Variants in FREM3 observed in about 807,000 individuals in gnomAD.
FREM3 encodes the protein FRAS1 related extracellular matrix 3.
A neutral mutation model predicts 129.1 loss-of-function variants in FREM3; 105 were observed. The observed-to-expected ratio is 0.81, with a 90% CI of 0.69 to 0.96. FREM3 has a LOEUF of 0.96. Ranked by LOEUF, FREM3 falls within the 40% of genes least tolerant of loss-of-function variation. FREM3 has a pLI of 0.00. For missense variants in FREM3, 2,593 were observed against 2,666.3 expected, an observed-to-expected ratio of 0.97 and a Z score of 0.61; for synonymous variants, 1,014 against 1,044.9, an observed-to-expected ratio of 0.97 and a Z score of 0.57.
Position 143,698,357 on chromosome 4 carries a change from C to G in FREM3, c.2319G>C (p.Met773Ile). 1 of 1,537,902 alleles carries G rather than the reference C, an allele frequency of 6.5e-7. No homozygotes were observed. The highest frequency in any genetic ancestry group is 8.7e-7 in the Non-Finnish European group (1 of 1,147,066). Residue 773 changes from methionine to isoleucine, a missense_variant, in exon 1 of 8, where the codon ATG becomes ATC. By Grantham distance (10) the Met-to-Ile change is conservative (BLOSUM62 1). Around this residue, in one of 2 missense-constraint regions of FREM3, gnomAD observed 2,276 missense variants for 2,267.2 expected, o/e 1.00. Coordinates refer to ENST00000329798, the MANE Select transcript of FREM3 (RefSeq NM_001168235.2). ...GATTTACCTGGGCTTGGGTAAAGTG[C>G]ATGATGAGTGTGTCTGGTGAATCAG... ...VLTDSPDTLI[M>I]HFTQAQVNQH...
chr4:143,581,773 A>T (rs914964224), intron 7 of FREM3, among the ~76,000 whole-genome samples: 7 of 143,954 alleles, frequency 4.9e-5, no homozygotes, highest in Non-Finnish European at 7.6e-5. Context: ...CAGCTGCACC[A>T]CCTCCTGGCT....
At chr4:143,695,441 G>C (rs1054458896) in intron 1 of FREM3, 50 bp downstream of exon 1, 2 of 1,422,460 alleles carry the variant, frequency 1.4e-6, no homozygotes, top group Admixed American at 2.4e-5. Context: ...TGAGAGATCT[G>C]ATCCAATGAA....
chr4:143,640,467 T>G (rs1739303887), intron 2 of FREM3, among the ~76,000 whole-genome samples: 1 of 152,236 alleles, frequency 6.6e-6, no homozygotes, highest in South Asian at 2.1e-4. Flanking sequence ...TAAAAATTTC[T>G]GGTAACTAGC....
chr4:143,658,932 G>T (rs958516053), intron 2 of FREM3, among the ~76,000 whole-genome samples: 4 of 151,658 alleles, frequency 2.6e-5, no homozygotes, highest in African/African-American at 9.7e-5. Flanking sequence ...AATCTCCTTT[G>T]CTTTTGCTGT....
chr4:143,666,569 A>G (rs1280150138), intron 2 of FREM3, among the ~76,000 whole-genome samples: 1 of 152,196 alleles, frequency 6.6e-6, no homozygotes, highest in Non-Finnish European at 1.5e-5. Context: ...AAGTGATGAT[A>G]CATGTTAAAA....
chr4:143,578,923 GGTC>G (rs1229051262), intron 7 of FREM3, among the ~76,000 whole-genome samples: 1 of 152,126 alleles, frequency 6.6e-6, no homozygotes, highest in Non-Finnish European at 1.5e-5. Flanking sequence ...ATTTGAATGA[GGTC>G]TGAGTAGATT....
chr4:143,648,516 G>C (rs1739459225), intron 2 of FREM3, among the ~76,000 whole-genome samples: 1 of 152,184 alleles, frequency 6.6e-6, no homozygotes, highest in Admixed American at 6.5e-5. Flanking sequence ...GTGAATCATG[G>C]GGGGGCAGTT....
intron 7 of FREM3, among the ~76,000 whole-genome samples, chr4:143,582,894 T>C (rs1417954199): frequency 1.2e-5 from 1 of 80,180 alleles, no homozygotes; most frequent in African/African-American, 5.0e-5. Context: ...AATTAATTAA[T>C]TTACTTTTTT....
chr4:143,696,578 C>T lies in FREM3; in HGVS notation c.4098G>A (p.Arg1366=). The change falls in exon 1 of 8, where the codon AGG becomes AGA. Residue 1366 remains arginine (R), a synonymous_variant. Transcript: ENST00000329798. ...QRLRKPRGEV[R]NNLTLGMNFT... is the part of the protein sequence containing the mutation. Reference sequence around the variant, plus strand: ...AGTTCATTCCCAGAGTAAGATTGTTCCTCACTTCTCCTCTGGGTTTTCTCA... The same window carrying T: ...AGTTCATTCCCAGAGTAAGATTGTTTCTCACTTCTCCTCTGGGTTTTCTCA... The T allele has an allele frequency of 6.5e-7, 1 of 1,537,462 alleles. No individual in the cohort carries two copies. The highest frequency in any genetic ancestry group is 8.7e-7 in the Non-Finnish European group (1 of 1,146,952).
In FREM3 at chr4:143,700,455, C is replaced by T; in HGVS notation, c.221G>A (p.Gly74Asp). Reference protein sequence around the residue: ...IANPGLRVPLGRSLWLDPLRD... With the variant: ...IANPGLRVPLDRSLWLDPLRD... ...GAGCGGGTCGAGCCAAAGGGAACGA[C>T]CCAGGGGCACCCGGAGTCCAGGGTT... Residue 74 changes from glycine to aspartate, a missense_variant, in exon 1 of 8, where the codon GGT becomes GAT. This residue lies in a region of FREM3 where 2,276 missense variants were observed against 2,267.2 expected (regional missense o/e 1.00). Coordinates refer to ENST00000329798, the MANE Select transcript of FREM3 (RefSeq NM_001168235.2). The T allele has an allele frequency of 6.6e-7, 1 of 1,517,202 alleles. No individual in the cohort carries two copies. The highest frequency in any genetic ancestry group is 8.8e-7 in the Non-Finnish European group (1 of 1,135,892). The allele number at this position is 1,517,202 out of a possible 1,614,324, so 94.0% of individuals were successfully genotyped here.
intron 2 of FREM3, among the ~76,000 whole-genome samples, chr4:143,661,738 A>G (rs1445662843): frequency 6.6e-6 from 1 of 152,118 alleles, no homozygotes; most frequent in East Asian, 1.9e-4. Context: ...TTTGGTTGGT[A>G]AGCTATTGAT....
chr4:143,643,696 A>G (rs1228966247), intron 2 of FREM3, among the ~76,000 whole-genome samples: 1 of 152,052 alleles, frequency 6.6e-6, no homozygotes, highest in Non-Finnish European at 1.5e-5. Flanking sequence ...GAGGCTGGTC[A>G]ACAGGCAGAA....
Position 143,699,163 on chromosome 4 carries a change from A to G in FREM3, c.1513T>C (p.Tyr505His). 1 of 1,537,356 alleles carries G rather than the reference A, an allele frequency of 6.5e-7. No homozygotes were observed. The highest frequency in any genetic ancestry group is 8.7e-7 in the Non-Finnish European group (1 of 1,146,940). The change falls in exon 1 of 8, where the codon TAT (tyrosine) becomes CAT (histidine). Residue 505 changes from tyrosine to histidine, a missense_variant. Physicochemically the swap from Tyr to His is moderately conservative, Grantham distance 83 (BLOSUM62 2). Transcript: ENST00000329798. This position sits in a 1 kb window ranked among gnomAD's most constrained non-coding sequence, Gnocchi z 4.2. ...PADLAAGRVV[Y>H]QHDGSNTYSD... ...TAGGTGTTGCTGCCATCATGCTGAT[A>G]CACCACTCGCCCTGCTGCCAGGTCC...
intron 5 of FREM3, among the ~76,000 whole-genome samples, chr4:143,616,874 C>A (rs1472802319): frequency 6.6e-6 from 1 of 152,014 alleles, no homozygotes; most frequent in Non-Finnish European, 1.5e-5. Context: ...AAAATCCAAT[C>A]GGAGAAGTGG....
chr4:143,603,656 T>C (rs1384764353), intron 6 of FREM3, among the ~76,000 whole-genome samples: 1 of 152,128 alleles, frequency 6.6e-6, no homozygotes, highest in Non-Finnish European at 1.5e-5. Flanking sequence ...AAAAAAAACC[T>C]TTTTATCTGA....
At position 143,672,844 on chromosome 4, in the gene FREM3, A is replaced by T. The variant is rs550742741; in HGVS notation, c.5275+20269T>A. 3.9e-5 allele frequency among the ~76,000 whole-genome samples: 6 copies of T among 152,136 alleles called. No homozygotes were observed. The South Asian group carries it at 1.2e-3, about 32-fold the overall frequency. On this transcript the variant is annotated intron_variant, in intron 2 of 7. Coordinates refer to ENST00000329798, the MANE Select transcript of FREM3 (RefSeq NM_001168235.2). ...CTTCTTGCTTCATTTCGTTCATTTG[A>T]TCTTCAATCACTGATACCCTTTCTT... is the stretch of plus-strand genomic sequence containing the variant.
chr4:143,637,047 C>G (rs183633941), intron 2 of FREM3, among the ~76,000 whole-genome samples: 1 of 152,232 alleles, frequency 6.6e-6, no homozygotes, highest in Non-Finnish European at 1.5e-5. Context: ...ACAGCTCACA[C>G]CATAATGTAG....
At chr4:143,584,391 G>A (rs2149833248) in intron 7 of FREM3, among the ~76,000 whole-genome samples, 1 of 141,360 alleles carries the variant, frequency 7.1e-6, no homozygotes, top group East Asian at 2.1e-4. Flanking sequence ...AGTCCGGCCT[G>A]GGCGACAGAG....
At chr4:143,595,889 G>GAAAAAAAA (rs70953742) in intron 6 of FREM3, among the ~76,000 whole-genome samples, 3 of 110,660 alleles carry the variant, frequency 2.7e-5, no homozygotes, top group South Asian at 3.0e-4. Context: ...CGCCATCTCA[G>GAAAAAAAA]AAAAAAAAAA....
Sources: gnomAD v4.1 joint callset for allele counts (sites outside exome capture counted in the v4.1 genomes callset) on GRCh38, gnomAD v4.1.1 for gene constraint, gnomAD v4.1.1 regional missense constraint, Gnocchi (gnomAD v3.1) non-coding constraint, MANE v1.5 for transcripts, NCBI Gene and HGNC (gene_info 2026-07-23, HGNC 2026-07-21) for gene names.